Variants in CSPP1 observed in about 807,000 individuals in gnomAD.
The protein encoded by CSPP1 is centrosome and spindle pole associated protein 1.
Under a neutral mutation model 164.4 loss-of-function variants are expected in CSPP1, and 126 were observed. The ratio of observed to expected loss-of-function variants is 0.77; its 90% CI spans 0.66 to 0.89. CSPP1 has a LOEUF of 0.89. Among genes scored for constraint, CSPP1 ranks in the 40% least tolerant of loss-of-function variants. CSPP1 has a pLI of 0.00. For missense variants in CSPP1, 1,395 were observed against 1,449.8 expected (o/e 0.96, Z 0.61); for synonymous variants, 472 against 476.7 (o/e 0.99, Z 0.13).
chr8:67,179,879 GTGATTTCT>G lies in CSPP1; in HGVS notation c.3177_3184del (p.Asp1059GlufsTer8). The G allele has an allele frequency of 6.3e-7, 1 of 1,595,148 alleles. No homozygotes were observed. The highest frequency in any genetic ancestry group is 8.6e-7 in the Non-Finnish European group (1 of 1,163,868). Reference sequence around the variant, plus strand: ...TTCTTTTAGCCCAGAGATGACACTAGTGATTTCTTGAAAAACTCATTATTGGAATCTGA... The same window carrying G: ...TTCTTTTAGCCCAGAGATGACACTAGTGAAAAACTCATTATTGGAATCTGA... On this transcript the variant is annotated frameshift_variant, in exon 28 of 31. Transcript: ENST00000678616. LOFTEE classifies it high-confidence loss of function.
intron 7 of CSPP1, among the ~76,000 whole-genome samples, chr8:67,101,062 C>T (rs1441158960): frequency 6.6e-6 from 1 of 152,140 alleles, no homozygotes; most frequent in Non-Finnish European, 1.5e-5. Flanking sequence ...GCACAAGCTT[C>T]CAAGGGGTCT....
intron 24 of CSPP1, among the ~76,000 whole-genome samples, chr8:67,170,722 T>A (rs1481489435): frequency 1.3e-5 from 2 of 152,200 alleles, no homozygotes; most frequent in Non-Finnish European, 2.9e-5. Flanking sequence ...AAAATTTCAA[T>A]AACGTTATAA....
At chr8:67,100,412 G>A (rs554308614) in intron 7 of CSPP1, among the ~76,000 whole-genome samples, 78 of 152,164 alleles carry the variant, frequency 5.1e-4, no homozygotes, top group Non-Finnish European at 1.1e-3. Flanking sequence ...ATAAAGATAA[G>A]CTAGAATTAT....
chr8:67,085,147 T>C (rs1810114972), intron 3 of CSPP1, among the ~76,000 whole-genome samples: 1 of 152,158 alleles, frequency 6.6e-6, no homozygotes, highest in African/African-American at 2.4e-5. Context: ...TTTGGGATGA[T>C]GAAAAAATTC....
intron 4 of CSPP1, among the ~76,000 whole-genome samples, chr8:67,087,153 A>AT (rs1327190189): frequency 6.6e-6 from 1 of 152,154 alleles, no homozygotes; most frequent in South Asian, 2.1e-4. Context: ...TCAGCATGCA[A>AT]TTTTTTATTT....
intron 24 of CSPP1, among the ~76,000 whole-genome samples, chr8:67,168,859 T>C (rs1829979058): frequency 6.6e-6 from 1 of 152,254 alleles, no homozygotes; most frequent in African/African-American, 2.4e-5. Context: ...TTAGCATTAA[T>C]GGAAACTAGA....
intron 8 of CSPP1, among the ~76,000 whole-genome samples, chr8:67,104,030 TAC>T: frequency 6.6e-6 from 1 of 152,266 alleles, no homozygotes; most frequent in East Asian, 1.9e-4. Context: ...TCTTTCTACT[TAC>T]AGTTTTTTAT....
chr8:67,094,271 CTTTTTTTTTTTT>C (rs762941914), intron 6 of CSPP1, among the ~76,000 whole-genome samples: 2 of 121,500 alleles, frequency 1.6e-5, no homozygotes, highest in African/African-American at 3.1e-5. Context: ...TTTATCCTCT[CTTTTTTTTTTTT>C]TTTTTTTTGA....
At chr8:67,115,125 G>GC (rs1817671976) in intron 12 of CSPP1, 1 of 152,226 alleles carries the variant, frequency 6.6e-6, no homozygotes, top group Non-Finnish European at 1.5e-5. Context: ...AAGAGACTAT[G>GC]TAGTCTTGCA....
intron 24 of CSPP1, among the ~76,000 whole-genome samples, chr8:67,170,640 T>C (rs1262858066): frequency 6.6e-6 from 1 of 152,160 alleles, no homozygotes; most frequent in Non-Finnish European, 1.5e-5. Context: ...TATTTTATTT[T>C]TTCCATGAAC....
chr8:67,067,960 C>T (rs1427438667), intron 1 of CSPP1, among the ~76,000 whole-genome samples: 2 of 151,804 alleles, frequency 1.3e-5, no homozygotes, highest in Non-Finnish European at 2.9e-5. Context: ...AGCAATTCTC[C>T]TGCCTCAGCC....
At position 67,091,808 on chromosome 8, in the gene CSPP1, T is replaced by C. The variant is rs1166754353; in HGVS notation, c.309T>C (p.Asn103=). 1.5e-6 allele frequency: 2 copies of C among 1,301,020 alleles called. No homozygotes were observed. The highest frequency in any genetic ancestry group is 3.1e-5 in the African/African-American group (2 of 65,126). 80.6% of individuals were successfully genotyped at this position (1,301,020 alleles called of 1,614,324 possible). The change falls in exon 5 of 31, where the codon AAT becomes AAC. Residue 103 remains asparagine, a synonymous_variant. Transcript: ENST00000678616. Reference sequence around the variant, plus strand: ...TTTAATGTGTATATATACAGAAAAATTTTCTATCTACGAGTGAAACAGATC... The same window carrying C: ...TTTAATGTGTATATATACAGAAAAACTTTCTATCTACGAGTGAAACAGATC... ...QDYRRYLTQK[N]FLSTSETDPS...
intron 27 of CSPP1, among the ~76,000 whole-genome samples, chr8:67,179,113 T>C (rs1245503766): frequency 2.0e-5 from 3 of 152,188 alleles, no homozygotes; most frequent in Non-Finnish European, 4.4e-5. Flanking sequence ...GGTAAGAAGG[T>C]GCAGGGAGGT....
chr8:67,159,069 G>A lies in CSPP1; in HGVS notation c.2470G>A (p.Glu824Lys). ...AGCAGAAAGAAAGAAGAAAGAAGAA[G>A]AAGAAAAATATAACCTGCAACTTCA... ...KEAERKKKEEEEKYNLQLQHY... is the reference protein window; with the variant it reads ...KEAERKKKEEKEKYNLQLQHY... The change falls in exon 21 of 31, where the codon GAA becomes AAA. Residue 824 changes from glutamate (E) to lysine (K), a missense_variant. Glu to Lys is a moderately conservative substitution (Grantham distance 56). Coordinates refer to ENST00000678616, the MANE Select transcript of CSPP1 (RefSeq NM_001382391.1). 6.2e-7 allele frequency: 1 copy of A among 1,612,798 alleles called. No individual in the cohort carries two copies. The highest frequency in any genetic ancestry group is 1.1e-5 in the South Asian group (1 of 90,792).
chr8:67,098,732 A>G (rs1328245277), intron 7 of CSPP1, among the ~76,000 whole-genome samples: 1 of 152,062 alleles, frequency 6.6e-6, no homozygotes, highest in East Asian at 1.9e-4. Context: ...CTTATTTATT[A>G]ACTTGAACTG....
At chr8:67,179,974 T>G (rs1422608360) in intron 28 of CSPP1, 48 bp downstream of exon 28, 1 of 1,047,788 alleles carries the variant, frequency 9.5e-7, no homozygotes, top group Non-Finnish European at 1.5e-6. Flanking sequence ...ATATTAAACC[T>G]TTCTCCACAC....
In CSPP1 at chr8:67,110,293, A is replaced by G. The variant is rs549020950; in HGVS notation, c.1094-1679A>G. 5.3e-5 allele frequency among the ~76,000 whole-genome samples: 8 copies of G among 151,970 alleles called. No individual in the cohort carries two copies. In the South Asian group the frequency reaches 1.5e-3, roughly 28 times the overall value. ...TTTCCTTCTCCCTCACTAAAGACCA[A>G]CTTGATCTAAGTTCAGTTTTAAGCT... On this transcript the variant is annotated intron_variant, in intron 9 of 30. Transcript: ENST00000678616.
rs145806226 is a variant in CSPP1, at chr8:67,193,567, G to C, written c.3434G>C (p.Arg1145Thr). 5.6e-6 allele frequency: 9 copies of C among 1,613,788 alleles called. No homozygotes were observed. Among genetic ancestry groups the C allele is most frequent in the African/African-American group, 1.3e-5 (1 of 75,058 alleles). Residue 1145 changes from arginine (R) to threonine (T), a missense_variant, in exon 30 of 31, where the codon AGA (arginine) becomes ACA (threonine). Arg to Thr is a moderately conservative substitution (Grantham distance 71). Transcript: ENST00000678616. ...LRVRNEERMR[R>T]LNEFHNKPIN... ...GTGAGAAATGAGGAACGAATGCGAA[G>C]ACTGAATGAATTTCACAATAAACCT...
At chr8:67,144,474 C>T (rs1282759663) in intron 17 of CSPP1, among the ~76,000 whole-genome samples, 1 of 152,118 alleles carries the variant, frequency 6.6e-6, no homozygotes, top group Non-Finnish European at 1.5e-5. Context: ...GAGTCTTGCT[C>T]TGTCGCAGAA....
Sources: allele counts gnomAD v4.1 joint callset (sites outside exome capture counted in the v4.1 genomes callset), GRCh38; gene constraint gnomAD v4.1.1; transcripts MANE v1.5; gene names NCBI Gene and HGNC (gene_info 2026-07-23, HGNC 2026-07-21).